The following RAB6B variants were observed in gnomAD, a reference collection of about 807,000 sequenced individuals.
RAB6B encodes ras-related protein Rab-6B.
In RAB6B, 7 loss-of-function variants were observed where a neutral mutation model predicts 31.2. The observed-to-expected ratio is 0.22, with a 90% CI of 0.13 to 0.42. The LOEUF (loss-of-function observed/expected upper bound fraction) is 0.42, where lower values mean the gene tolerates loss of function less well. RAB6B is among the 10% of genes least tolerant of loss of function. RAB6B has a pLI of 1.00. For synonymous variants in RAB6B, 105 were observed against 104.9 expected, an observed-to-expected ratio of 1.00 and a Z score of -0.01; for missense variants, 149 against 280.6, an observed-to-expected ratio of 0.53 and a Z score of 3.35.
intron 1 of RAB6B, among the ~76,000 whole-genome samples, chr3:133,894,882 G>A (rs546807427): frequency 2.8e-4 from 42 of 152,290 alleles, no homozygotes; most frequent in Non-Finnish European, 5.3e-4. Flanking sequence ...CGCCCTGGAC[G>A]TGCCCTTTCG....
chr3:133,890,067 G>A (rs995202607), intron 1 of RAB6B, among the ~76,000 whole-genome samples: 5 of 152,160 alleles, frequency 3.3e-5, no homozygotes, highest in African/African-American at 4.8e-5. Context: ...TCTTATGCCA[G>A]CCACTGAGGA....
chr3:133,867,721 A>T (rs1936257514), intron 1 of RAB6B, among the ~76,000 whole-genome samples: 1 of 152,164 alleles, frequency 6.6e-6, no homozygotes, highest in African/African-American at 2.4e-5. Flanking sequence ...GAAACTGGTC[A>T]CTGAGGTGCC....
intron 6 of RAB6B, among the ~76,000 whole-genome samples, 188 bp from the exon 7 acceptor site, chr3:133,834,829 G>A (rs1169797040): frequency 6.6e-6 from 1 of 152,116 alleles, no homozygotes; most frequent in Non-Finnish European, 1.5e-5. Context: ...TCACAGCATT[G>A]GGTCTGGGCA....
intron 1 of RAB6B, among the ~76,000 whole-genome samples, chr3:133,890,189 G>C (rs994113687): frequency 6.6e-6 from 1 of 152,198 alleles, no homozygotes; most frequent in Non-Finnish European, 1.5e-5. Context: ...GGTCTGGTGT[G>C]TCCCTTTCCA....
rs1191337152 is a variant in RAB6B at position 133,827,822 on chromosome 3, G to A, written c.*966C>T. ...CAGCTTCCCTGACATCCAGGAGGAAGGCTTCAGGATGGCACACTGCCCAAC... is the reference window on the plus strand; with the variant it reads ...CAGCTTCCCTGACATCCAGGAGGAAAGCTTCAGGATGGCACACTGCCCAAC... On this transcript the variant is annotated 3_prime_UTR_variant, in exon 8 of 8. Transcript: ENST00000285208. 3.5e-6 allele frequency: 2 copies of A among 571,992 alleles called. No homozygotes were observed. The highest frequency in any genetic ancestry group is 1.6e-5 in the South Asian group (1 of 62,990). The allele number at this position is 571,992 out of a possible 1,614,324, so 35.4% of individuals were successfully genotyped here. A position where few individuals can be genotyped will look rare whatever the true frequency, so the allele number is the denominator to read the frequency against.
intron 2 of RAB6B, among the ~76,000 whole-genome samples, chr3:133,860,449 G>A (rs1330070449): frequency 6.6e-6 from 1 of 152,156 alleles, no homozygotes; most frequent in African/African-American, 2.4e-5. Flanking sequence ...TGAGAACAAG[G>A]CCCTCCATGC....
chr3:133,852,543 T>C (rs552159206), intron 2 of RAB6B, among the ~76,000 whole-genome samples: 1 of 151,006 alleles, frequency 6.6e-6, no homozygotes, highest in African/African-American at 2.4e-5. Context: ...TGAACACAGA[T>C]CCCTGTAGCC....
At chr3:133,885,319 C>CCAA (rs1936530663) in intron 1 of RAB6B, among the ~76,000 whole-genome samples, 1 of 149,672 alleles carries the variant, frequency 6.7e-6, no homozygotes, top group African/African-American at 2.5e-5. Flanking sequence ...ACTCACACAC[C>CCAA]TAATGACCAG....
chr3:133,879,984 A>G (rs1296690530), intron 1 of RAB6B, among the ~76,000 whole-genome samples: 1 of 152,182 alleles, frequency 6.6e-6, no homozygotes, highest in African/African-American at 2.4e-5. Flanking sequence ...AATTGGTTTG[A>G]GGCTCAACCC....
chr3:133,864,259 A>G (rs1936204805), intron 2 of RAB6B, among the ~76,000 whole-genome samples: 1 of 152,000 alleles, frequency 6.6e-6, no homozygotes, highest in Non-Finnish European at 1.5e-5. Context: ...TCTCATTTTC[A>G]TCTTGTTCCT....
intron 7 of RAB6B, among the ~76,000 whole-genome samples, chr3:133,829,589 C>T (rs1363169459): frequency 2.0e-5 from 3 of 152,306 alleles, no homozygotes; most frequent in African/African-American, 4.8e-5. Flanking sequence ...TGATACCTCA[C>T]AGAATTGCTC....
intron 1 of RAB6B, among the ~76,000 whole-genome samples, chr3:133,872,898 G>T (rs986642039): frequency 1.3e-5 from 2 of 152,188 alleles, no homozygotes; most frequent in East Asian, 3.9e-4. Context: ...GAAAGGGGAG[G>T]GTAGAGGGGA....
intron 1 of RAB6B, chr3:133,885,732 C>A: frequency 1.6e-6 from 1 of 640,530 alleles, no homozygotes; most frequent in Non-Finnish European, 2.8e-6. Context: ...TACAGTGTGG[C>A]CTTGCAGAGA....
intron 1 of RAB6B, among the ~76,000 whole-genome samples, chr3:133,882,985 C>CA (rs1324264058): frequency 6.6e-6 from 1 of 152,174 alleles, no homozygotes; most frequent in Non-Finnish European, 1.5e-5. Flanking sequence ...ATCTTGGTGC[C>CA]ACAAGTAGGA....
rs535776418 is a variant in RAB6B at position 133,853,873 on chromosome 3, G to A, written c.129+10711C>T. ...AGATTATGAATTGTTATTAGTGACC[G>A]ACTGACCTAGAGGTTTAAGAGAAGC... On this transcript the variant is annotated intron_variant, in intron 2 of 7. Transcript: ENST00000285208. Among the ~76,000 whole-genome samples the A allele has an allele frequency of 5.3e-5, 8 of 152,292 alleles. No individual in the cohort carries two copies. The South Asian group carries it at 6.2e-4, about 12-fold the overall frequency.
chr3:133,866,602 T>C (rs1050601516), intron 1 of RAB6B, among the ~76,000 whole-genome samples: 1 of 152,228 alleles, frequency 6.6e-6, no homozygotes, highest in African/African-American at 2.4e-5. Flanking sequence ...AAACTTCTGA[T>C]AGAAACGAGG....
chr3:133,891,245 C>T (rs1044983109), intron 1 of RAB6B, among the ~76,000 whole-genome samples: 4 of 152,276 alleles, frequency 2.6e-5, no homozygotes, highest in Admixed American at 2.6e-4. Context: ...AGTACAGGGA[C>T]AGCCCCAACT....
intron 2 of RAB6B, among the ~76,000 whole-genome samples, chr3:133,845,345 G>A (rs1007226471): frequency 3.3e-5 from 5 of 152,174 alleles, no homozygotes; most frequent in African/African-American, 9.7e-5. Context: ...AGAGGCTTAA[G>A]GGAGCACCCT....
intron 1 of RAB6B, among the ~76,000 whole-genome samples, chr3:133,876,974 C>A (rs1936406134): frequency 6.6e-6 from 1 of 152,140 alleles, no homozygotes; most frequent in Non-Finnish European, 1.5e-5. Flanking sequence ...AGCCTCTAAC[C>A]TGAAACAACC....
Sources: allele counts gnomAD v4.1 joint callset (sites outside exome capture counted in the v4.1 genomes callset), GRCh38; gene constraint gnomAD v4.1.1; transcripts MANE v1.5; gene names NCBI Gene and HGNC (gene_info 2026-07-23, HGNC 2026-07-21).